The following NF2 variants were observed in gnomAD, a reference collection of about 807,000 sequenced individuals.
NF2 encodes NF2, moesin-ezrin-radixin like (MERLIN) tumor suppressor, also known as merlin.
In NF2, 8 loss-of-function variants were observed where a neutral mutation model predicts 83.7. The ratio of observed to expected loss-of-function variants is 0.10; its 90% CI spans 0.06 to 0.17. The LOEUF is 0.17. NF2 is among the 10% of genes least tolerant of loss of function. NF2 has a pLI of 1.00. For synonymous variants in NF2, 266 were observed against 269.6 expected (o/e 0.99, Z 0.13); for missense variants, 533 against 744.4 (o/e 0.72, Z 3.31).
At chr22:29,603,600 C>T (rs2064698483), upstream of NF2, 5 of 397,936 alleles carry the variant, frequency 1.3e-5, no homozygotes, top group Admixed American at 1.8e-4. Flanking sequence ...GACAGCCACG[C>T]GCGCGCGTAC....
Position 29,639,133 on chromosome 22 carries a change from A to G in NF2, c.284A>G (p.His95Arg). 1.2e-6 allele frequency: 2 copies of G among 1,614,176 alleles called. No homozygotes were observed. Among genetic ancestry groups the G allele is most frequent in the Non-Finnish European group, 1.7e-6 (2 of 1,180,016 alleles). Reference sequence around the variant, plus strand: ...TCAAAGGAAGAACCAGTCACCTTTCACTTCTTGGCCAAATTTTATCCTGAG... The same window carrying G: ...TCAAAGGAAGAACCAGTCACCTTTCGCTTCTTGGCCAAATTTTATCCTGAG... ...DVSKEEPVTF[H>R]FLAKFYPENA... The change falls in exon 3 of 16, where the codon CAC becomes CGC. Residue 95 changes from histidine to arginine, a missense_variant. His to Arg is a conservative substitution (Grantham distance 29). Around this residue, in one of 3 missense-constraint regions of NF2, gnomAD observed 326 missense variants for 475.1 expected, o/e 0.69. Transcript: ENST00000338641.
intron 10 of NF2, among the ~76,000 whole-genome samples, chr22:29,669,330 C>A (rs564565178): frequency 1.3e-5 from 2 of 152,206 alleles, no homozygotes; most frequent in Admixed American, 1.3e-4. Context: ...CCTACTGAGC[C>A]AGCATGGGGT....
intron 1 of NF2, among the ~76,000 whole-genome samples, chr22:29,614,136 C>G (rs1384177602): frequency 6.6e-6 from 1 of 151,696 alleles, no homozygotes; most frequent in African/African-American, 2.4e-5. Flanking sequence ...ACCCTTACCT[C>G]ACACTACATA....
Position 29,696,066 on chromosome 22 carries a change from CTTTT to C in NF2, c.*1284_*1287del, listed in dbSNP as rs886057354. 342 of 155,202 alleles carry C rather than the reference CTTTT, an allele frequency of 2.2e-3. No homozygotes were observed. Among genetic ancestry groups the C allele is most frequent in the East Asian group, 4.0e-3 (47 of 11,630 alleles). The allele number at this position is 155,202 out of a possible 1,614,324, so 9.6% of individuals were successfully genotyped here. ...GTCTGGGGCCACCTTCTTGCCCTTT[CTTTT>C]TTTTTTTTTTTTTTTTTTTCCGAGA... is the stretch of plus-strand genomic sequence containing the variant. On this transcript the variant is annotated 3_prime_UTR_variant, in exon 16 of 16. Transcript: ENST00000338641.
At chr22:29,688,518 C>T (rs901351399) in intron 15 of NF2, among the ~76,000 whole-genome samples, 1 of 152,228 alleles carries the variant, frequency 6.6e-6, no homozygotes, top group African/African-American at 2.4e-5. Context: ...CAGTAGATAG[C>T]CGCCACCTGC....
intron 13 of NF2, among the ~76,000 whole-genome samples, chr22:29,676,410 A>G (rs2066967006): frequency 6.6e-6 from 1 of 152,100 alleles, no homozygotes; most frequent in African/African-American, 2.4e-5. Flanking sequence ...TCCCGAGCTC[A>G]AGTGATCTGC....
intron 10 of NF2, among the ~76,000 whole-genome samples, chr22:29,671,094 T>G (rs1013990690): frequency 6.6e-6 from 1 of 152,136 alleles, no homozygotes; most frequent in African/African-American, 2.4e-5. Context: ...CCTGCCCAGA[T>G]GAGAAAGCTG....
Position 29,668,365 on chromosome 22 carries a change from A to G in NF2, c.918A>G (p.Leu306=), listed in dbSNP as rs1376550164. The G allele has an allele frequency of 6.2e-7, 1 of 1,613,830 alleles. No individual in the cohort carries two copies. Among genetic ancestry groups the G allele is most frequent in the Non-Finnish European group, 8.5e-7 (1 of 1,179,818 alleles). ...AGCTATGTATCGGGAACCATGATCT[A>G]TTTATGAGGAGAAGGAAAGCCGATT... The part of the protein sequence containing the change: ...ILQLCIGNHD[L]FMRRRKADSL... The change falls in exon 10 of 16, where the codon CTA becomes CTG. Residue 306 remains leucine (L), a synonymous_variant. Transcript: ENST00000338641.
chr22:29,671,972 C>G (rs767608957), intron 11 of NF2, 24 bp downstream of exon 11: 1 of 1,614,094 alleles, frequency 6.2e-7, no homozygotes, highest in Non-Finnish European at 8.5e-7. Context: ...GGCTGGGGTT[C>G]CAGGAGGCTA....
At chr22:29,690,849 G>A (rs1194685482) in intron 15 of NF2, among the ~76,000 whole-genome samples, 3 of 152,212 alleles carry the variant, frequency 2.0e-5, no homozygotes, top group Non-Finnish European at 4.4e-5. Flanking sequence ...TGGAGACTCT[G>A]AGCAGGGCCC....
intron 4 of NF2, among the ~76,000 whole-genome samples, chr22:29,643,739 C>T (rs1383403892): frequency 6.6e-6 from 1 of 152,354 alleles, no homozygotes; most frequent in Admixed American, 6.5e-5. Flanking sequence ...TTTTCCCCAC[C>T]TTTCCCCCCT....
At chr22:29,679,210 C>T (rs556633896) in intron 14 of NF2, among the ~76,000 whole-genome samples, 3 of 152,148 alleles carry the variant, frequency 2.0e-5, no homozygotes, top group African/African-American at 7.2e-5. Flanking sequence ...GTTGAAACCC[C>T]TCACCCATCT....
chr22:29,633,440 C>T (rs960416683), intron 1 of NF2, among the ~76,000 whole-genome samples: 2 of 152,114 alleles, frequency 1.3e-5, no homozygotes, highest in Admixed American at 6.6e-5. Context: ...GCCTCTTTTC[C>T]GTTTCTCAGG....
rs780287551 is a variant in NF2, at chr22:29,678,267, T to A, written c.1518T>A (p.Ser506=). The change falls in exon 14 of 16, where the codon TCT becomes TCA. Residue 506 remains serine, a synonymous_variant. Coordinates refer to ENST00000338641, the MANE Select transcript of NF2 (RefSeq NM_000268.4). The part of the protein sequence containing the change: ...PSFNLIGDSL[S]FDFKDTDMKR... ...TCAACCTCATTGGTGACAGCCTGTC[T>A]TTCGACTTCAAAGATACTGACATGA... is the stretch of plus-strand genomic sequence containing the variant. 5.6e-6 allele frequency: 9 copies of A among 1,614,044 alleles called. No homozygotes were observed. Among genetic ancestry groups the A allele is most frequent in the Non-Finnish European group, 7.6e-6 (9 of 1,180,008 alleles).
chr22:29,650,526 TTTTC>T (rs975576186), intron 4 of NF2, among the ~76,000 whole-genome samples: 9 of 151,970 alleles, frequency 5.9e-5, no homozygotes, highest in South Asian at 2.1e-4. Context: ...GTTTCTTTCT[TTTTC>T]TTTCTTTCTC....
intron 9 of NF2, among the ~76,000 whole-genome samples, chr22:29,667,478 C>A (rs1418955158): frequency 6.6e-6 from 1 of 151,920 alleles, no homozygotes; most frequent in Non-Finnish European, 1.5e-5. Context: ...TGGGCTCAAG[C>A]AATCTGCCTG....
rs1350177470 is a variant in NF2 at position 29,681,433 on chromosome 22, C to T, written c.1575-6C>T. 1.8e-5 allele frequency: 29 copies of T among 1,613,504 alleles called. No individual in the cohort carries two copies. Among genetic ancestry groups the T allele is most frequent in the African/African-American group, 4.0e-5 (3 of 74,862 alleles). On this transcript the variant is annotated splice_region_variant and splice_polypyrimidine_tract_variant and intron_variant, in intron 14 of 15. Transcript: ENST00000338641. ...GCCCTGATGCATGATACCCTCTTGC[C>T]GGCAGAGTGGAATACATGGAAAAGA...
chr22:29,641,736 G>A (rs2065816126), intron 3 of NF2, among the ~76,000 whole-genome samples: 1 of 152,210 alleles, frequency 6.6e-6, no homozygotes. Flanking sequence ...CCTTAGAGCA[G>A]CACGTTGAGA....
chr22:29,609,829 C>A, intron 1 of NF2, among the ~76,000 whole-genome samples: 1 of 152,082 alleles, frequency 6.6e-6, no homozygotes, highest in Non-Finnish European at 1.5e-5. Flanking sequence ...ATATTAGCTA[C>A]ACTATAAAAA....
Sources: gnomAD v4.1 joint callset for allele counts (sites outside exome capture counted in the v4.1 genomes callset) on GRCh38, gnomAD v4.1.1 for gene constraint, gnomAD v4.1.1 regional missense constraint, MANE v1.5 for transcripts, NCBI Gene and HGNC (gene_info 2026-07-23, HGNC 2026-07-21) for gene names.